TNIP3: variants seen among roughly 807,000 people sequenced by gnomAD.
The protein encoded by TNIP3 is TNFAIP3-interacting protein 3.
TNIP3 carries 34 observed loss-of-function variants against 54.1 expected under a neutral mutation model. The observed-to-expected ratio is 0.63, with a 90% CI of 0.48 to 0.84. TNIP3 has a LOEUF of 0.84. TNIP3 is among the 40% of genes least tolerant of loss of function. The probability of loss-of-function intolerance (pLI) is 0.00; values close to 1 mark genes in which losing one functional copy is unlikely to be tolerated. For missense variants in TNIP3, 366 were observed against 387.6 expected (o/e 0.94, Z 0.47); for synonymous variants, 134 against 136.8 (o/e 0.98, Z 0.14).
intron 2 of TNIP3, among the ~76,000 whole-genome samples, chr4:121,209,657 C>T (rs1238114146): frequency 3.3e-5 from 5 of 152,180 alleles, no homozygotes; most frequent in Non-Finnish European, 5.9e-5. Context: ...GCAAATATCA[C>T]ACATATTTGT....
intron 1 of TNIP3, among the ~76,000 whole-genome samples, chr4:121,223,617 T>TA (rs11288825): frequency 6.6e-6 from 1 of 152,058 alleles, no homozygotes; most frequent in Admixed American, 6.5e-5. Context: ...CTAGAAAAGG[T>TA]AAAAATGCCT....
chr4:121,193,092 G>A (rs7684586), intron 2 of TNIP3, among the ~76,000 whole-genome samples: 6,732 of 152,224 alleles, frequency 0.044, 484 homozygotes, highest in African/African-American at 0.15. Context: ...GATTCAGAAT[G>A]TTTCGTATCA....
At chr4:121,137,632 T>C in intron 10 of TNIP3, 1 of 237,322 alleles carries the variant, frequency 4.2e-6, no homozygotes, top group Non-Finnish European at 8.4e-6. Context: ...CTCAGACTTG[T>C]AAAGTTCACA....
At chr4:121,186,600 C>T (rs191976353) in intron 2 of TNIP3, among the ~76,000 whole-genome samples, 48 of 152,260 alleles carry the variant, frequency 3.2e-4, no homozygotes, top group African/African-American at 9.6e-4. Flanking sequence ...CAATGTAATG[C>T]TGTGAGGCTG....
chr4:121,225,868 T>C (rs956834970), intron 1 of TNIP3, among the ~76,000 whole-genome samples: 6 of 152,148 alleles, frequency 3.9e-5, no homozygotes, highest in Non-Finnish European at 7.4e-5. Flanking sequence ...CTGTCTCTTC[T>C]ACACTGTGCC....
rs1352459216 is a variant in TNIP3, at chr4:121,158,771, G to C, written c.148-19C>G. On this transcript the variant is annotated intron_variant, in intron 2 of 10. Transcript: ENST00000057513. ...CCAGGAGCTGAAATCATTAAAATTT[G>C]GTGAATCAACAAAGAATTTCTGCCC... 6.3e-7 allele frequency: 1 copy of C among 1,597,268 alleles called. No individual in the cohort carries two copies. Among genetic ancestry groups the C allele is most frequent in the Non-Finnish European group, 8.5e-7 (1 of 1,172,936 alleles).
Position 121,141,816 on chromosome 4 carries a change from TG to T in TNIP3, c.884del (p.Pro295HisfsTer26). The part of the protein sequence containing the change: ...PGAVQKQREH[P>X]PDYQWYALDQ... Reference sequence around the variant, plus strand: ...CTTTTTCAAATGCACTCTTACTTACTGGGTGCTCCCGTTGCTTCTGCACAGC... The same window carrying T: ...CTTTTTCAAATGCACTCTTACTTACTGGTGCTCCCGTTGCTTCTGCACAGC... On this transcript the variant is annotated frameshift_variant and splice_region_variant, in exon 9 of 11. Transcript: ENST00000057513. LOFTEE classifies it high-confidence loss of function. 2 of 1,530,084 alleles carry T rather than the reference TG, an allele frequency of 1.3e-6. No individual in the cohort carries two copies. Among genetic ancestry groups the T allele is most frequent in the Non-Finnish European group, 1.8e-6 (2 of 1,137,730 alleles). The allele number at this position is 1,530,084 out of a possible 1,614,324, so 94.8% of individuals were successfully genotyped here.
intron 10 of TNIP3, among the ~76,000 whole-genome samples, chr4:121,135,393 T>C (rs927814907): frequency 8.6e-5 from 13 of 152,004 alleles, no homozygotes; most frequent in African/African-American, 3.1e-4. Context: ...TCTTCTTCTT[T>C]TTTTTTATTT....
rs1247629729 is a variant in TNIP3 at position 121,132,748 on chromosome 4, AG to A, written c.947-87del. 4 of 1,180,544 alleles carry A rather than the reference AG, an allele frequency of 3.4e-6. 1 individual carries two copies. In the East Asian group the frequency reaches 9.9e-5, roughly 29 times the overall value. 73.1% of individuals were successfully genotyped at this position (1,180,544 alleles called of 1,614,324 possible). A position where few individuals can be genotyped will look rare whatever the true frequency, so the allele number is the denominator to read the frequency against. ...TGGCTTAAGGCTGACATAAAGTTCC[AG>A]GATGGCAAAAAAAAAAAAAAGTTAT... On this transcript the variant is annotated intron_variant, in intron 10 of 10. Transcript: ENST00000057513.
intron 3 of TNIP3, among the ~76,000 whole-genome samples, chr4:121,180,167 G>A (rs1474811485): frequency 3.3e-5 from 5 of 152,126 alleles, no homozygotes; most frequent in Admixed American, 2.6e-4. Context: ...TTGGGAGGCC[G>A]AGGCGGGTGG....
intron 2 of TNIP3, among the ~76,000 whole-genome samples, chr4:121,200,470 C>T (rs139983424): frequency 1.3e-3 from 205 of 152,216 alleles, no homozygotes; most frequent in African/African-American, 4.6e-3. Context: ...TTCATCTTTA[C>T]GCAGAGCTTT....
At chr4:121,146,273 G>T (rs1729425245) in intron 7 of TNIP3, among the ~76,000 whole-genome samples, 1 of 152,114 alleles carries the variant, frequency 6.6e-6, no homozygotes, top group South Asian at 2.1e-4. Context: ...GGAAGAAAAT[G>T]ATGACTGTTT....
intron 10 of TNIP3, 124 bp downstream of exon 10, chr4:121,138,500 T>C (rs930760155): frequency 3.5e-6 from 3 of 865,566 alleles, no homozygotes; most frequent in Non-Finnish European, 5.5e-6. Context: ...TAAAGTTATG[T>C]ATGTAACACA....
upstream of TNIP3, chr4:121,216,700 A>G: frequency 7.9e-7 from 1 of 1,265,210 alleles, no homozygotes; most frequent in South Asian, 1.6e-5. Context: ...TTTCAATGAA[A>G]GGTAAACCAC....
intron 8 of TNIP3, 54 bp downstream of exon 8, chr4:121,142,672 T>G: frequency 4.0e-6 from 6 of 1,493,578 alleles, no homozygotes; most frequent in South Asian, 1.2e-5. Context: ...ATTGGGACAA[T>G]GAGAAATGCT....
At chr4:121,224,604 C>A (rs118102210) in intron 1 of TNIP3, among the ~76,000 whole-genome samples, 1 of 152,050 alleles carries the variant, frequency 6.6e-6, no homozygotes, top group East Asian at 1.9e-4. Flanking sequence ...TGTTTTCACC[C>A]ATATTTAGGC....
upstream of TNIP3, among the ~76,000 whole-genome samples, chr4:121,165,419 A>T (rs1052492315): frequency 4.3e-4 from 65 of 151,968 alleles, no homozygotes; most frequent in African/African-American, 1.5e-3. Context: ...GACGGGGAAA[A>T]CCTAAGTCAA....
chr4:121,227,260 C>A, intron 1 of TNIP3: 1 of 746,802 alleles, frequency 1.3e-6, no homozygotes, highest in Non-Finnish European at 2.1e-6. Flanking sequence ...TACTGAGTTC[C>A]TGATCAGTTA....
Position 121,213,583 on chromosome 4 carries a change from C to T in TNIP3, c.68+2832G>A, listed in dbSNP as rs375160657. ...CTACTAAAAATACAAAAAAATTAGCCGGGCGTGGTGGCGGGCGCCTGTAGT... is the reference window on the plus strand; with the variant it reads ...CTACTAAAAATACAAAAAAATTAGCTGGGCGTGGTGGCGGGCGCCTGTAGT... On this transcript the variant is annotated intron_variant, in intron 2 of 12. Coordinates refer to the TNIP3 transcript ENST00000507879. 1.6e-3 allele frequency among the ~76,000 whole-genome samples: 240 copies of T among 151,752 alleles called. 2 individuals carry two copies. Among genetic ancestry groups the T allele is most frequent in the Non-Finnish European group, 1.2e-3 (83 of 67,888 alleles).
Sources: gnomAD v4.1 joint callset for allele counts (sites outside exome capture counted in the v4.1 genomes callset) on GRCh38, gnomAD v4.1.1 for gene constraint, MANE v1.5 for transcripts, NCBI Gene and HGNC (gene_info 2026-07-23, HGNC 2026-07-21) for gene names.